CADPS: variants seen among roughly 807,000 people sequenced by gnomAD.
CADPS encodes the protein calcium dependent secretion activator, also known as calcium-dependent secretion activator 1.
A neutral mutation model predicts 167.3 loss-of-function variants in CADPS; 57 were observed. That is an observed-to-expected ratio of 0.34 (90% CI 0.28 to 0.42). The LOEUF is 0.42. Among genes scored for constraint, CADPS ranks in the 20% least tolerant of loss-of-function variants. The pLI is 1.00. For missense variants in CADPS, 1,414 were observed against 1,738.1 expected, an observed-to-expected ratio of 0.81 and a Z score of 3.32; for synonymous variants, 676 against 635.3, an observed-to-expected ratio of 1.06 and a Z score of -0.96.
At chr3:62,682,335 A>G (rs1333561932) in intron 3 of CADPS, among the ~76,000 whole-genome samples, 1 of 152,082 alleles carries the variant, frequency 6.6e-6, no homozygotes, top group African/African-American at 2.4e-5. Context: ...CTAAATGACC[A>G]GAAAATGCCA....
At chr3:62,464,564 A>G (rs972020054) in intron 26 of CADPS, among the ~76,000 whole-genome samples, 2 of 152,210 alleles carry the variant, frequency 1.3e-5, no homozygotes, top group Non-Finnish European at 2.9e-5. Flanking sequence ...GTCCATTTAT[A>G]GCAACCATCT....
chr3:62,525,425 G>A (rs1475268061), intron 13 of CADPS, among the ~76,000 whole-genome samples: 3 of 152,144 alleles, frequency 2.0e-5, no homozygotes, highest in East Asian at 1.9e-4. Context: ...TCAGCCATGT[G>A]CAAGGCCTGT....
At chr3:62,439,783 A>C (rs1270585944) in intron 27 of CADPS, 1 of 152,172 alleles carries the variant, frequency 6.6e-6, no homozygotes, top group African/African-American at 2.4e-5. Context: ...GCTAAGGTAC[A>C]AAGTCAAGTG....
intron 6 of CADPS, among the ~76,000 whole-genome samples, chr3:62,623,145 C>T (rs975646821): frequency 1.2e-4 from 18 of 152,192 alleles, no homozygotes; most frequent in East Asian, 3.9e-4. Flanking sequence ...CAAGAAAATT[C>T]CATTTTCTTT....
In CADPS at chr3:62,530,718, C is replaced by A. The variant is rs761312836; in HGVS notation, c.2291+2153G>T. On this transcript the variant is annotated intron_variant, in intron 13 of 29. Transcript: ENST00000383710. ...CTTTTTTTGGATTCCTTTTTGGTAT[C>A]TTTTTTAGCTTCTGGTTCAGGTGGG... The A allele has an allele frequency of 3.1e-6, 4 of 1,288,796 alleles. No homozygotes were observed. The South Asian group carries it at 4.9e-5, about 16-fold the overall frequency. 79.8% of individuals were successfully genotyped at this position (1,288,796 alleles called of 1,614,324 possible).
At chr3:62,805,230 C>T (rs2094016931) in intron 1 of CADPS, among the ~76,000 whole-genome samples, 1 of 152,172 alleles carries the variant, frequency 6.6e-6, no homozygotes, top group Admixed American at 6.5e-5. Context: ...GAACCGCTCA[C>T]TGTTATTGAG....
At chr3:62,843,696 T>C (rs2076966058) in intron 1 of CADPS, among the ~76,000 whole-genome samples, 1 of 152,128 alleles carries the variant, frequency 6.6e-6, no homozygotes, top group African/African-American at 2.4e-5. Context: ...TCTAGCCAGC[T>C]AGAAGGAGGA....
intron 6 of CADPS, among the ~76,000 whole-genome samples, chr3:62,635,724 T>G (rs1449722636): frequency 2.0e-5 from 3 of 151,496 alleles, no homozygotes; most frequent in African/African-American, 7.3e-5. Context: ...CTCATCTAGA[T>G]GGAGAGATCT....
At chr3:62,643,643 C>T (rs1017914732) in intron 6 of CADPS, among the ~76,000 whole-genome samples, 2 of 152,152 alleles carry the variant, frequency 1.3e-5, no homozygotes, top group South Asian at 2.1e-4. Flanking sequence ...TAACTGAAAC[C>T]GTTGCATCTG....
chr3:62,855,091 A>ATTATTTTTTTTTTTTTT (rs2079404203), intron 1 of CADPS, among the ~76,000 whole-genome samples: 1 of 92,702 alleles, frequency 1.1e-5, no homozygotes, highest in African/African-American at 3.5e-5. Context: ...TGCCCGGCTA[A>ATTATTTTTTTTTTTTTT]TTTTTTTTTT....
intron 9 of CADPS, among the ~76,000 whole-genome samples, chr3:62,560,655 G>A (rs2078990176): frequency 6.6e-6 from 1 of 152,218 alleles, no homozygotes; most frequent in South Asian, 2.1e-4. Context: ...AGGCCGTTGG[G>A]ACTTCTGAGG....
At chr3:62,585,982 T>C (rs982101123) in intron 7 of CADPS, among the ~76,000 whole-genome samples, 37 of 152,246 alleles carry the variant, frequency 2.4e-4, no homozygotes, top group African/African-American at 9.6e-5. Context: ...GCTTCAGAGA[T>C]GGCAGTTTGA....
intron 3 of CADPS, among the ~76,000 whole-genome samples, chr3:62,672,972 T>C (rs749246143): frequency 3.3e-4 from 50 of 152,188 alleles, no homozygotes; most frequent in Non-Finnish European, 3.5e-4. Flanking sequence ...AGTATCAATA[T>C]TGCTACCTTA....
intron 23 of CADPS, among the ~76,000 whole-genome samples, chr3:62,475,992 G>A (rs565562963): frequency 4.6e-5 from 7 of 152,218 alleles, no homozygotes; most frequent in African/African-American, 1.7e-4. Context: ...GACTGAGAGG[G>A]CTCTGTAGGA....
chr3:62,555,763 T>C (rs2078039077), intron 10 of CADPS, among the ~76,000 whole-genome samples: 1 of 152,178 alleles, frequency 6.6e-6, no homozygotes, highest in Admixed American at 6.5e-5. Flanking sequence ...TTTTTTGAGT[T>C]GGGGTCTATT....
chr3:62,529,876 C>T (rs1241821410), intron 13 of CADPS, among the ~76,000 whole-genome samples: 1 of 152,058 alleles, frequency 6.6e-6, no homozygotes. Flanking sequence ...AGTTCTAAAA[C>T]CAAACAAAAA....
rs1413733663 is a variant in CADPS, at chr3:62,601,103, G to C, written c.1326-8355C>G. Among the ~76,000 whole-genome samples the C allele has an allele frequency of 6.6e-6, 1 of 152,134 alleles. No homozygotes were observed. Among genetic ancestry groups the C allele is most frequent in the Admixed American group, 6.5e-5 (1 of 15,272 alleles). ...TTCATTTTAGGATTATAGACCAGGG[G>C]TTGTTAAACTATGGCCATGGGTATG... On this transcript the variant is annotated intron_variant, in intron 6 of 29. Transcript: ENST00000383710. This position sits in a 1 kb window ranked among gnomAD's most constrained non-coding sequence, Gnocchi z 4.3.
At chr3:62,759,378 GC>G (rs1366644523) in intron 2 of CADPS, among the ~76,000 whole-genome samples, 1 of 152,102 alleles carries the variant, frequency 6.6e-6, no homozygotes, top group African/African-American at 2.4e-5. Flanking sequence ...ATATCATGCA[GC>G]CATGAAAAAA....
intron 3 of CADPS, among the ~76,000 whole-genome samples, chr3:62,687,318 T>C (rs1036039410): frequency 2.6e-5 from 4 of 152,024 alleles, no homozygotes; most frequent in Non-Finnish European, 5.9e-5. Context: ...GGTTTGTAAG[T>C]TCACGATGAC....
Sources: gnomAD v4.1 joint callset for allele counts (sites outside exome capture counted in the v4.1 genomes callset) on GRCh38, gnomAD v4.1.1 for gene constraint, Gnocchi (gnomAD v3.1) non-coding constraint, MANE v1.5 for transcripts, NCBI Gene and HGNC (gene_info 2026-07-23, HGNC 2026-07-21) for gene names.